PPARGC1A: variants seen among roughly 807,000 people sequenced by gnomAD.
The protein encoded by PPARGC1A is peroxisome proliferator-activated receptor gamma coactivator 1-alpha.
In PPARGC1A, 25 loss-of-function variants were observed where a neutral mutation model predicts 88.7. The ratio of observed to expected loss-of-function variants is 0.28; its 90% CI spans 0.21 to 0.39. The LOEUF is 0.39. Among genes scored for constraint, PPARGC1A ranks in the 10% least tolerant of loss-of-function variants. The probability of loss-of-function intolerance (pLI) is 1.00; values close to 1 mark genes in which losing one functional copy is unlikely to be tolerated. For synonymous variants in PPARGC1A, 363 were observed against 355.6 expected (o/e 1.02, Z -0.24); for missense variants, 880 against 968.7 (o/e 0.91, Z 1.22).
At chr4:24,270,188 G>A in the PPARGC1A span, among the ~76,000 whole-genome samples, 1,278 of 152,154 alleles carry the variant, frequency 8.4e-3, 6 homozygotes, top group Admixed American at 0.012. Context: ...ATCCCTCTGC[G>A]TTGTCCTTCA....
At chr4:24,212,113 A>C in the PPARGC1A span, among the ~76,000 whole-genome samples, 1 of 152,082 alleles carries the variant, frequency 6.6e-6, no homozygotes, top group South Asian at 2.1e-4. Context: ...CTTTCATATA[A>C]TCTTCAAGAC....
chr4:23,841,310 A>C (rs1166219095), intron 2 of PPARGC1A, among the ~76,000 whole-genome samples: 1 of 152,156 alleles, frequency 6.6e-6, no homozygotes, highest in Non-Finnish European at 1.5e-5. Flanking sequence ...ATTCCATACC[A>C]TATAACACAC....
the PPARGC1A span, among the ~76,000 whole-genome samples, chr4:23,961,283 A>C: frequency 0.07 from 10,651 of 152,218 alleles, 440 homozygotes; most frequent in East Asian, 0.15. Context: ...AAGAAGGTCA[A>C]AATCTCCTAA....
the PPARGC1A span, among the ~76,000 whole-genome samples, chr4:24,280,808 T>C: frequency 6.6e-6 from 1 of 152,226 alleles, no homozygotes; most frequent in Non-Finnish European, 1.5e-5. Flanking sequence ...GAAGACACTT[T>C]TGTTGTTCCT....
At chr4:24,071,182 C>T in the PPARGC1A span, among the ~76,000 whole-genome samples, 1 of 152,110 alleles carries the variant, frequency 6.6e-6, no homozygotes, top group Non-Finnish European at 1.5e-5. Context: ...ACCATCCCCA[C>T]CTCAGTATGA....
At chr4:23,816,842 C>T (rs1017546646) in intron 7 of PPARGC1A, among the ~76,000 whole-genome samples, 1 of 152,194 alleles carries the variant, frequency 6.6e-6, no homozygotes, top group African/African-American at 2.4e-5. Context: ...TGAATTATGT[C>T]TTGTCTTTCC....
chr4:23,935,345 A>G, the PPARGC1A span, among the ~76,000 whole-genome samples: 1 of 152,220 alleles, frequency 6.6e-6, no homozygotes, highest in African/African-American at 2.4e-5. Context: ...AAGTGAGACA[A>G]CATCTGGAAG....
chr4:24,344,102 A>G, the PPARGC1A span, among the ~76,000 whole-genome samples: 1 of 6,460 alleles, frequency 1.5e-4, no homozygotes, highest in South Asian at 0.038. Flanking sequence ...GTAGTATTCC[A>G]TTATATATAT....
At chr4:23,969,356 A>G in the PPARGC1A span, among the ~76,000 whole-genome samples, 1 of 152,194 alleles carries the variant, frequency 6.6e-6, no homozygotes, top group Admixed American at 6.5e-5. Context: ...TTTATTGCAA[A>G]CAAGGGAACT....
intron 1 of PPARGC1A, chr4:23,889,264 G>A (rs1439583551): frequency 1.0e-6 from 1 of 985,240 alleles, no homozygotes; most frequent in Admixed American, 6.2e-5. Context: ...CCACCGACGC[G>A]AACGGAAAAC....
intron 4 of PPARGC1A, 57 bp from the exon 5 acceptor site, chr4:23,828,661 G>C: frequency 6.7e-7 from 1 of 1,498,868 alleles, no homozygotes; most frequent in Non-Finnish European, 9.3e-7. Context: ...TATCAGAATG[G>C]ATATAGGTTT....
At chr4:23,939,792 T>G in the PPARGC1A span, among the ~76,000 whole-genome samples, 1 of 152,158 alleles carries the variant, frequency 6.6e-6, no homozygotes, top group Admixed American at 6.5e-5. Flanking sequence ...AAAGTGATAT[T>G]ACCCTAGGTT....
intron 1 of PPARGC1A, among the ~76,000 whole-genome samples, chr4:23,889,641 C>T (rs1717508082): frequency 6.6e-6 from 1 of 152,086 alleles, no homozygotes; most frequent in Non-Finnish European, 1.5e-5. Context: ...AGAAACAGTG[C>T]CAAAGTCACA....
the PPARGC1A span, among the ~76,000 whole-genome samples, chr4:24,175,343 C>A: frequency 3.5e-5 from 5 of 142,624 alleles, no homozygotes; most frequent in African/African-American, 1.0e-4. Context: ...TGATTTCTGG[C>A]GGGTTTTTGT....
chr4:24,277,632 C>T, the PPARGC1A span, among the ~76,000 whole-genome samples: 1 of 152,170 alleles, frequency 6.6e-6, no homozygotes. Context: ...AATCCAGGGA[C>T]ATAAATCTCT....
rs1406364781 is a variant in PPARGC1A at position 23,884,940 on chromosome 4, G to A, written c.55-9C>T. 1.3e-6 allele frequency: 2 copies of A among 1,545,648 alleles called. No homozygotes were observed. The highest frequency in any genetic ancestry group is 2.1e-5 in the Admixed American group (1 of 47,566). On this transcript the variant is annotated splice_polypyrimidine_tract_variant and intron_variant, in intron 1 of 12. Transcript: ENST00000264867. ...CCAACCAGAGCAGCACACTGCAGGA[G>A]GCAGAAAAAAAAAATTTAAAAAAGC...
chr4:23,876,742 T>C (rs1296831876), intron 2 of PPARGC1A, among the ~76,000 whole-genome samples: 1 of 151,764 alleles, frequency 6.6e-6, no homozygotes, highest in Non-Finnish European at 1.5e-5. Context: ...AAAAACTCAA[T>C]GGGGGCTCAC....
chr4:23,894,484 C>T (rs183363897), upstream of PPARGC1A, among the ~76,000 whole-genome samples: 6 of 150,410 alleles, frequency 4.0e-5, no homozygotes, highest in African/African-American at 1.5e-4. Context: ...ACAGTGATGT[C>T]CATGTGAACA....
the PPARGC1A span, among the ~76,000 whole-genome samples, chr4:24,231,135 T>C: frequency 6.6e-6 from 1 of 151,738 alleles, no homozygotes. Flanking sequence ...AAGAGAAAAA[T>C]CAAAGTCCAT....
Sources: gnomAD v4.1 joint callset for allele counts (sites outside exome capture counted in the v4.1 genomes callset) on GRCh38, gnomAD v4.1.1 for gene constraint, MANE v1.5 for transcripts, NCBI Gene and HGNC (gene_info 2026-07-23, HGNC 2026-07-21) for gene names.